The following AFF1 variants were observed in gnomAD, a reference collection of about 807,000 sequenced individuals.
The protein encoded by AFF1 is AF4/FMR2 family member 1.
Under a neutral mutation model 121.7 loss-of-function variants are expected in AFF1, and 48 were observed. The observed-to-expected ratio is 0.39, with a 90% CI of 0.31 to 0.50. The LOEUF is 0.50. Among genes scored for constraint, AFF1 ranks in the 20% least tolerant of loss-of-function variants. AFF1 has a pLI of 0.76. For synonymous variants in AFF1, 613 were observed against 563.0 expected (o/e 1.09, Z -1.26); for missense variants, 1,523 against 1,511.7 (o/e 1.01, Z -0.12).
At chr4:87,032,357 A>G (rs1729161740) in intron 2 of AFF1, among the ~76,000 whole-genome samples, 2 of 152,238 alleles carry the variant, frequency 1.3e-5, no homozygotes, top group Admixed American at 6.5e-5. Context: ...AACTGCCTCT[A>G]GTTTTTATGA....
intron 2 of AFF1, among the ~76,000 whole-genome samples, chr4:87,015,874 C>T (rs1022493674): frequency 6.6e-6 from 1 of 152,176 alleles, no homozygotes; most frequent in African/African-American, 2.4e-5. Context: ...TATCCATGAT[C>T]TTAGAGTGTT....
At chr4:86,960,666 T>A (rs958446063) in intron 2 of AFF1, among the ~76,000 whole-genome samples, 1 of 152,174 alleles carries the variant, frequency 6.6e-6, no homozygotes, top group Non-Finnish European at 1.5e-5. Context: ...TAGTACAACA[T>A]TTTATGGGAT....
At chr4:87,125,762 AAGGCTCAGATGTGG>A (rs1384161173) in intron 13 of AFF1, among the ~76,000 whole-genome samples, 1 of 152,184 alleles carries the variant, frequency 6.6e-6, no homozygotes, top group African/African-American at 2.4e-5. Flanking sequence ...AGAGATGGGG[AAGGCTCAGATGTGG>A]AGGGTGTGTG....
intron 4 of AFF1, among the ~76,000 whole-genome samples, chr4:87,055,089 C>G (rs1285049093): frequency 6.6e-6 from 1 of 152,178 alleles, no homozygotes; most frequent in African/African-American, 2.4e-5. Context: ...GCAGTGCCCA[C>G]TTTTCCATCC....
At chr4:87,040,926 A>ATGTTACCT (rs1383927093) in intron 2 of AFF1, among the ~76,000 whole-genome samples, 1 of 112,844 alleles carries the variant, frequency 8.9e-6, no homozygotes, top group Non-Finnish European at 1.7e-5. Context: ...CCTAGGCTGG[A>ATGTTACCT]GTGCAGTGGC....
chr4:87,129,263 T>C (rs1464900660), intron 16 of AFF1, among the ~76,000 whole-genome samples: 1 of 152,230 alleles, frequency 6.6e-6, no homozygotes, highest in Admixed American at 6.5e-5. Context: ...AGATGTGCAG[T>C]TGGTGTTCCA....
At chr4:86,948,942 T>TA (rs941580058) in intron 2 of AFF1, among the ~76,000 whole-genome samples, 2 of 152,170 alleles carry the variant, frequency 1.3e-5, no homozygotes, top group African/African-American at 4.8e-5. Context: ...CTGAAAGCTG[T>TA]GAAGGAGGGA....
intron 2 of AFF1, among the ~76,000 whole-genome samples, chr4:87,024,874 G>A (rs1360009603): frequency 2.6e-5 from 4 of 152,294 alleles, no homozygotes; most frequent in Non-Finnish European, 4.4e-5. Flanking sequence ...GATCACAGGC[G>A]TGAGCCACTG....
intron 2 of AFF1, chr4:87,007,515 G>T: frequency 1.3e-6 from 2 of 1,545,490 alleles, no homozygotes; most frequent in Non-Finnish European, 1.8e-6. Flanking sequence ...GGAAGGAGAC[G>T]GACAGGAAGC....
rs1240268000 is a variant in AFF1 at position 87,110,887 on chromosome 4, G to C, written c.1533+2572G>C. ...GGGCAGATTGGGGGTGGGATGAGGA[G>C]ACGCAGAGGAAGAAATGAAAGTCCA... On this transcript the variant is annotated intron_variant, in intron 11 of 20. Coordinates refer to ENST00000395146, the MANE Select transcript of AFF1 (RefSeq NM_001166693.3). Among the ~76,000 whole-genome samples, 3 of 152,216 alleles carry C rather than the reference G, an allele frequency of 2.0e-5. No homozygotes were observed. In the East Asian group the frequency reaches 5.8e-4, roughly 29 times the overall value.
chr4:86,958,081 TTTTTTTTTCC>T (rs1325721819), intron 2 of AFF1, among the ~76,000 whole-genome samples: 29 of 1,542 alleles, frequency 0.019, no homozygotes, highest in East Asian at 0.14. Flanking sequence ...GAACTTTTTC[TTTTTTTTTCC>T]TTTTTTTTTT....
chr4:87,093,538 C>T (rs1053904447), intron 7 of AFF1, among the ~76,000 whole-genome samples: 1 of 152,020 alleles, frequency 6.6e-6, no homozygotes, highest in African/African-American at 2.4e-5. Flanking sequence ...TACTTGGATG[C>T]CCTAGTGTTA....
chr4:86,974,528 CCTT>C (rs753847205), intron 2 of AFF1, among the ~76,000 whole-genome samples: 24 of 152,140 alleles, frequency 1.6e-4, no homozygotes, highest in Non-Finnish European at 3.2e-4. Flanking sequence ...AATATATTCT[CCTT>C]CTGTGGCTGT....
At chr4:87,104,601 CAT>C (rs984614580) in intron 8 of AFF1, among the ~76,000 whole-genome samples, 1 of 152,130 alleles carries the variant, frequency 6.6e-6, no homozygotes, top group Admixed American at 6.5e-5. Context: ...CATTAGAAAA[CAT>C]AGTGATTTTT....
At chr4:87,061,670 T>G (rs1379097206) in intron 4 of AFF1, among the ~76,000 whole-genome samples, 2 of 152,216 alleles carry the variant, frequency 1.3e-5, no homozygotes, top group African/African-American at 4.8e-5. Flanking sequence ...GTCCCAGACC[T>G]AACTAGGCCC....
intron 4 of AFF1, among the ~76,000 whole-genome samples, chr4:87,050,495 C>T (rs1422437362): frequency 6.6e-6 from 1 of 152,164 alleles, no homozygotes; most frequent in Non-Finnish European, 1.5e-5. Context: ...GGATTCTTTA[C>T]TCCCTGTCCT....
At chr4:87,054,446 A>C (rs970536787) in intron 4 of AFF1, among the ~76,000 whole-genome samples, 63 of 152,298 alleles carry the variant, frequency 4.1e-4, no homozygotes, top group African/African-American at 1.5e-3. Context: ...TCCGTAGCTC[A>C]TGTTTTTCAT....
chr4:86,969,034 G>A (rs919331061), intron 2 of AFF1, among the ~76,000 whole-genome samples: 12 of 152,220 alleles, frequency 7.9e-5, no homozygotes, highest in African/African-American at 2.9e-4. Flanking sequence ...GTGTTCATTG[G>A]TCTTAGGTCT....
chr4:87,017,628 A>G lies in AFF1; in HGVS notation c.39-28538A>G, dbSNP rs1361118074. 4.6e-5 allele frequency among the ~76,000 whole-genome samples: 7 copies of G among 152,224 alleles called. No homozygotes were observed. The South Asian group carries it at 8.3e-4, about 18-fold the overall frequency. On this transcript the variant is annotated intron_variant, in intron 2 of 20. Coordinates refer to ENST00000395146, the MANE Select transcript of AFF1 (RefSeq NM_001166693.3). ...TATTTTATAATTGCAAAATGGCCCT[A>G]TAAATTGTTATTTCAATGTGCATTT...
Sources: gnomAD v4.1 joint callset for allele counts (sites outside exome capture counted in the v4.1 genomes callset) on GRCh38, gnomAD v4.1.1 for gene constraint, MANE v1.5 for transcripts, NCBI Gene and HGNC (gene_info 2026-07-23, HGNC 2026-07-21) for gene names.